Variants in SLC14A2 observed in about 807,000 individuals in gnomAD.
SLC14A2 encodes urea transporter 2.
In SLC14A2, 91 loss-of-function variants were observed where a neutral mutation model predicts 104.6. The ratio of observed to expected loss-of-function variants is 0.87; its 90% CI spans 0.73 to 1.04. The LOEUF is 1.04. SLC14A2 is among the 50% of genes least tolerant of loss of function. The pLI is 0.00. For synonymous variants in SLC14A2, 476 were observed against 466.4 expected (o/e 1.02, Z -0.27); for missense variants, 1,189 against 1,156.0 (o/e 1.03, Z -0.41).
At chr18:45,475,650 T>TATATATATATATATATATATTTAGG (rs2087355347) in intron 1 of SLC14A2, among the ~76,000 whole-genome samples, 6 of 23,572 alleles carry the variant, frequency 2.5e-4, no homozygotes, top group African/African-American at 9.4e-4. Context: ...AGGATATATA[T>TATATATATATATATATATATTTAGG]ATATATATAT....
chr18:45,665,688 C>CTTTTTTTTTTTTTTT (rs146248418), intron 11 of SLC14A2, among the ~76,000 whole-genome samples: 16 of 79,304 alleles, frequency 2.0e-4, no homozygotes, highest in African/African-American at 5.0e-4. Context: ...AACCAAGTTT[C>CTTTTTTTTTTTTTTT]TTTTTTTTTT....
chr18:45,267,858 G>A (rs994466400), intron 1 of SLC14A2, among the ~76,000 whole-genome samples: 2 of 152,140 alleles, frequency 1.3e-5, no homozygotes, highest in Non-Finnish European at 2.9e-5. Context: ...TTCAAGACTA[G>A]ACTAAACAGA....
At chr18:45,261,786 T>C (rs1304372729) in intron 1 of SLC14A2, among the ~76,000 whole-genome samples, 3 of 152,240 alleles carry the variant, frequency 2.0e-5, no homozygotes, top group African/African-American at 4.8e-5. Flanking sequence ...ATGTGACACA[T>C]TTTCTTAATC....
intron 18 of SLC14A2, 79 bp downstream of exon 18, chr18:45,673,896 G>C (rs575862824): frequency 7.8e-6 from 11 of 1,410,474 alleles, no homozygotes; most frequent in Non-Finnish European, 9.8e-7. Flanking sequence ...TTTTTTAATG[G>C]TTATTTAGTA....
At position 45,643,971 on chromosome 18, in the gene SLC14A2, T is replaced by C; in HGVS notation, c.1177-15T>C. ...ACTAGGAAACTTCTTCAGTCCCCAA[T>C]GCTTTTGTTTCCAGGTGGGCGTGCC... is the stretch of plus-strand genomic sequence containing the variant. On this transcript the variant is annotated splice_polypyrimidine_tract_variant and intron_variant, in intron 9 of 19. Transcript: ENST00000255226. 2.5e-6 allele frequency: 4 copies of C among 1,612,734 alleles called. No individual in the cohort carries two copies. Among genetic ancestry groups the C allele is most frequent in the Non-Finnish European group, 3.4e-6 (4 of 1,179,024 alleles).
At position 45,264,756 on chromosome 18, in the gene SLC14A2, C is replaced by T. The variant is rs1005700482; in HGVS notation, c.-125+51565C>T. On this transcript the variant is annotated intron_variant, in intron 1 of 20. Transcript: ENST00000586448. ...GCCTCCATGATTCAATTATCTCCCACGGGGTCCGTCCCATAACACATGAGA... is the reference window on the plus strand; with the variant it reads ...GCCTCCATGATTCAATTATCTCCCATGGGGTCCGTCCCATAACACATGAGA... Among the ~76,000 whole-genome samples, 5 of 152,142 alleles carry T rather than the reference C, an allele frequency of 3.3e-5. 1 individual carries two copies. The highest frequency in any genetic ancestry group is 3.3e-4 in the Admixed American group (5 of 15,272).
chr18:45,373,166 A>T (rs2085740546), intron 1 of SLC14A2, among the ~76,000 whole-genome samples: 1 of 152,202 alleles, frequency 6.6e-6, no homozygotes, highest in African/African-American at 2.4e-5. Context: ...ATGCCCCATG[A>T]CACTAAATGT....
chr18:45,299,452 G>A (rs910690140), intron 1 of SLC14A2, among the ~76,000 whole-genome samples: 2 of 151,982 alleles, frequency 1.3e-5, no homozygotes, highest in Non-Finnish European at 2.9e-5. Flanking sequence ...TATCGGTTTT[G>A]TTTTTGTTTT....
At chr18:45,599,923 G>A (rs1025146922) in intron 2 of SLC14A2, among the ~76,000 whole-genome samples, 1 of 152,108 alleles carries the variant, frequency 6.6e-6, no homozygotes, top group Non-Finnish European at 1.5e-5. Flanking sequence ...ACTATCACAA[G>A]AACAGCATGG....
chr18:45,649,075 G>A (rs1312353529), intron 10 of SLC14A2, among the ~76,000 whole-genome samples: 2 of 152,194 alleles, frequency 1.3e-5, no homozygotes, highest in African/African-American at 4.8e-5. Flanking sequence ...GGAGGCTGAG[G>A]CAGGAGAATG....
At chr18:45,307,092 A>G (rs1453461875) in intron 1 of SLC14A2, among the ~76,000 whole-genome samples, 1 of 152,166 alleles carries the variant, frequency 6.6e-6, no homozygotes, top group Admixed American at 6.5e-5. Flanking sequence ...TCTTGAGGGC[A>G]TCAGTCTTCA....
At chr18:45,660,020 C>T (rs1406833778) in intron 10 of SLC14A2, among the ~76,000 whole-genome samples, 1 of 150,990 alleles carries the variant, frequency 6.6e-6, no homozygotes, top group Non-Finnish European at 1.5e-5. Context: ...GTAGTCCCAA[C>T]AATTCCGAAT....
At chr18:45,182,144 A>G in the SLC14A2 span, among the ~76,000 whole-genome samples, 2,700 of 149,972 alleles carry the variant, frequency 0.018, 64 homozygotes, top group African/African-American at 0.063. Context: ...AAAAATAAAG[A>G]GAGTAAAATA....
intron 1 of SLC14A2, among the ~76,000 whole-genome samples, chr18:45,292,034 C>T (rs540266573): frequency 1.1e-3 from 163 of 152,246 alleles, no homozygotes; most frequent in African/African-American, 3.8e-3. Flanking sequence ...CCTTTCCTGG[C>T]GGAGACAGTG....
chr18:45,325,903 G>A (rs2085229726), intron 1 of SLC14A2, among the ~76,000 whole-genome samples: 1 of 152,184 alleles, frequency 6.6e-6, no homozygotes, highest in African/African-American at 2.4e-5. Context: ...ATCAGTGAGT[G>A]AGGGGTGAAG....
At chr18:45,377,387 T>A (rs1035219568) in intron 1 of SLC14A2, among the ~76,000 whole-genome samples, 5 of 152,142 alleles carry the variant, frequency 3.3e-5, no homozygotes, top group Admixed American at 3.3e-4. Flanking sequence ...TCCAATGACT[T>A]TTAAATCCCC....
intron 1 of SLC14A2, among the ~76,000 whole-genome samples, chr18:45,622,817 G>A (rs1246159360): frequency 6.6e-6 from 1 of 152,160 alleles, no homozygotes; most frequent in African/African-American, 2.4e-5. Context: ...CCACAGCAAA[G>A]GCAGCCATAG....
intron 4 of SLC14A2, among the ~76,000 whole-genome samples, chr18:45,629,960 C>T (rs2144519712): frequency 6.6e-6 from 1 of 152,330 alleles, no homozygotes; most frequent in East Asian, 1.9e-4. Flanking sequence ...CTCTGTCTAT[C>T]TAATTCTACA....
At chr18:45,569,377 T>C (rs1008203719) in intron 2 of SLC14A2, among the ~76,000 whole-genome samples, 1 of 152,232 alleles carries the variant, frequency 6.6e-6, no homozygotes, top group South Asian at 2.1e-4. Context: ...CTTTACTCTA[T>C]TCTAAATGAT....
Sources: allele counts gnomAD v4.1 joint callset (sites outside exome capture counted in the v4.1 genomes callset), GRCh38; gene constraint gnomAD v4.1.1; transcripts MANE v1.5; gene names NCBI Gene and HGNC (gene_info 2026-07-23, HGNC 2026-07-21).